Variants in SGCG observed in about 807,000 individuals in gnomAD.
SGCG encodes sarcoglycan gamma, also known as gamma-sarcoglycan.
Under a neutral mutation model 29.3 loss-of-function variants are expected in SGCG, and 26 were observed. The observed-to-expected ratio is 0.89, with a 90% CI of 0.65 to 1.23. The LOEUF (loss-of-function observed/expected upper bound fraction) is 1.23. Among genes scored for constraint, SGCG ranks in the 50% most tolerant of loss-of-function variants. The pLI, the probability that SGCG is intolerant of heterozygous loss-of-function variation, is 0.00. For missense variants in SGCG, 353 were observed against 356.0 expected, an observed-to-expected ratio of 0.99 and a Z score of 0.07; for synonymous variants, 145 against 129.7, an observed-to-expected ratio of 1.12 and a Z score of -0.80.
At chr13:23,214,779 G>A (rs1182403028) in intron 2 of SGCG, among the ~76,000 whole-genome samples, 1 of 152,136 alleles carries the variant, frequency 6.6e-6, no homozygotes, top group Non-Finnish European at 1.5e-5. Context: ...ATACAACGCT[G>A]TAGCATTTTT....
chr13:23,165,802 C>T, the SGCG span, among the ~76,000 whole-genome samples: 2 of 152,196 alleles, frequency 1.3e-5, no homozygotes, highest in African/African-American at 4.8e-5. Flanking sequence ...GCTGGGATTA[C>T]AGGAATGAGC....
At chr13:23,259,299 A>G (rs1293005772) in intron 4 of SGCG, among the ~76,000 whole-genome samples, 1 of 152,008 alleles carries the variant, frequency 6.6e-6, no homozygotes, top group Non-Finnish European at 1.5e-5. Flanking sequence ...GGAAATATCC[A>G]TTTCTTCTAG....
At chr13:23,161,987 TA>T in the SGCG span, among the ~76,000 whole-genome samples, 1 of 152,230 alleles carries the variant, frequency 6.6e-6, no homozygotes, top group Non-Finnish European at 1.5e-5. Flanking sequence ...AAGGTAGTGA[TA>T]AATAGCTCAT....
intron 3 of SGCG, among the ~76,000 whole-genome samples, chr13:23,236,040 G>A (rs183636695): frequency 3.9e-4 from 59 of 152,194 alleles, no homozygotes; most frequent in Admixed American, 3.6e-3. Context: ...GTTACTTCTG[G>A]GGCTATCTTA....
chr13:23,324,518 G>A lies in SGCG; in HGVS notation c.853G>A (p.Glu285Lys), dbSNP rs1427258037. 6.2e-7 allele frequency: 1 copy of A among 1,612,506 alleles called. No homozygotes were observed. The highest frequency in any genetic ancestry group is 1.1e-5 in the South Asian group (1 of 91,014). Reference protein sequence around the residue: ...SVAGVSTTCQEHNHICL With the variant: ...SVAGVSTTCQKHNHICL ...GGCCGGTGTGAGCACCACGTGCCAG[G>A]AGCACAACCACATCTGCCTCTGAGC... The change falls in exon 8 of 8, where the codon GAG becomes AAG. Residue 285 changes from glutamate to lysine, a missense_variant. Physicochemically the swap from Glu to Lys is moderately conservative, Grantham distance 56. Transcript: ENST00000218867.
Position 23,303,658 on chromosome 13 carries a change from T to C in SGCG, c.578+8171T>C, listed in dbSNP as rs146729006. On this transcript the variant is annotated intron_variant, in intron 6 of 7. Coordinates refer to ENST00000218867, the MANE Select transcript of SGCG (RefSeq NM_000231.3). The stretch of plus-strand genomic sequence containing the variant: ...CCAGGTATGCACGTATCAGAGGTTT[T>C]TCAACTGCTCCCCTATATATGGGCA... Among the ~76,000 whole-genome samples the C allele has an allele frequency of 1.6e-3, 239 of 152,340 alleles. 1 individual carries two copies. Among genetic ancestry groups the C allele is most frequent in the Non-Finnish European group, 2.6e-3 (177 of 68,028 alleles).
chr13:23,305,085 ATTAAC>A (rs1333777632), intron 6 of SGCG, among the ~76,000 whole-genome samples: 3 of 152,192 alleles, frequency 2.0e-5, no homozygotes. Flanking sequence ...GAACTTGAGT[ATTAAC>A]TTGTCGACTT....
At chr13:23,305,145 T>C (rs1882317014) in intron 6 of SGCG, among the ~76,000 whole-genome samples, 1 of 152,188 alleles carries the variant, frequency 6.6e-6, no homozygotes, top group Non-Finnish European at 1.5e-5. Flanking sequence ...GTTTTTAAAT[T>C]ACCTTAGGGA....
chr13:23,191,091 A>G (rs555210987), intron 1 of SGCG, among the ~76,000 whole-genome samples: 2 of 152,340 alleles, frequency 1.3e-5, no homozygotes, highest in East Asian at 3.9e-4. Flanking sequence ...AGTCTACTAA[A>G]AAGTTACATA....
intron 5 of SGCG, among the ~76,000 whole-genome samples, chr13:23,285,889 A>G (rs9510670): frequency 0.43 from 65,686 of 151,790 alleles, 15,021 homozygotes; most frequent in Middle Eastern, 0.65. Context: ...TGCACTTCCC[A>G]AGTGAGGCAA....
chr13:23,225,807 A>ACACACACACACACC (rs1491150183), intron 2 of SGCG, among the ~76,000 whole-genome samples: 81 of 145,020 alleles, frequency 5.6e-4, no homozygotes, highest in Non-Finnish European at 9.1e-4. Context: ...ACACACACAC[A>ACACACACACACACC]CCCCTACATA....
intron 6 of SGCG, among the ~76,000 whole-genome samples, chr13:23,311,740 C>T (rs1882606320): frequency 6.6e-6 from 1 of 152,182 alleles, no homozygotes; most frequent in Admixed American, 6.5e-5. Flanking sequence ...CCAACAGTTC[C>T]TAAATGATGC....
chr13:23,162,795 A>C, the SGCG span, among the ~76,000 whole-genome samples: 3 of 152,116 alleles, frequency 2.0e-5, no homozygotes, highest in East Asian at 1.9e-4. Context: ...GCACCAATGC[A>C]CTCCAGCCTG....
chr13:23,210,583 C>T (rs917974155), intron 2 of SGCG, among the ~76,000 whole-genome samples: 2 of 151,906 alleles, frequency 1.3e-5, no homozygotes, highest in African/African-American at 4.8e-5. Context: ...CCCAGCTACT[C>T]GGGAGGCTGA....
At chr13:23,263,604 T>TA (rs1231868713) in intron 4 of SGCG, among the ~76,000 whole-genome samples, 1 of 151,974 alleles carries the variant, frequency 6.6e-6, no homozygotes. Context: ...ATTACCCTGA[T>TA]ATCAAAGCCA....
At chr13:23,197,166 C>T (rs1877549103) in intron 1 of SGCG, among the ~76,000 whole-genome samples, 1 of 152,162 alleles carries the variant, frequency 6.6e-6, no homozygotes, top group Non-Finnish European at 1.5e-5. Context: ...TGTATCATCA[C>T]AACCTGTAGG....
chr13:23,311,286 G>A (rs574115158), intron 6 of SGCG, among the ~76,000 whole-genome samples: 66 of 152,224 alleles, frequency 4.3e-4, no homozygotes, highest in South Asian at 4.1e-4. Context: ...GTTTCACCAC[G>A]GTGTCTGGTA....
At chr13:23,228,896 G>C (rs58835567) in intron 2 of SGCG, among the ~76,000 whole-genome samples, 39,307 of 151,930 alleles carry the variant, frequency 0.26, 5,335 homozygotes, top group East Asian at 0.39. Context: ...TTTGAGACAG[G>C]GTCCTGCCCT....
chr13:23,304,510 C>T (rs1882289063), intron 6 of SGCG, among the ~76,000 whole-genome samples: 1 of 152,048 alleles, frequency 6.6e-6, no homozygotes, highest in African/African-American at 2.4e-5. Flanking sequence ...TCTCTATACA[C>T]TTGGGGCTGT....
Sources: gnomAD v4.1 joint callset for allele counts (sites outside exome capture counted in the v4.1 genomes callset) on GRCh38, gnomAD v4.1.1 for gene constraint, MANE v1.5 for transcripts, NCBI Gene and HGNC (gene_info 2026-07-23, HGNC 2026-07-21) for gene names.